ADCY5: variants seen among roughly 807,000 people sequenced by gnomAD.
ADCY5 encodes adenylate cyclase type 5.
ADCY5 carries 30 observed loss-of-function variants against 119.7 expected under a neutral mutation model. That is an observed-to-expected ratio of 0.25 (90% CI 0.19 to 0.34). The LOEUF is 0.34. Ranked by LOEUF, ADCY5 falls within the 10% of genes least tolerant of loss-of-function variation. The pLI is 1.00. For synonymous variants in ADCY5, 753 were observed against 762.2 expected, an observed-to-expected ratio of 0.99 and a Z score of 0.20; for missense variants, 1,324 against 1,775.2, an observed-to-expected ratio of 0.75 and a Z score of 4.57.
At chr3:123,348,043 G>GTGTGTGTGTGTGTGTGTGTGTA in intron 2 of ADCY5, 140 bp from the exon 3 acceptor site, 1 of 681,712 alleles carries the variant, frequency 1.5e-6, no homozygotes. Context: ...AACAGTGTGT[G>GTGTGTGTGTGTGTGTGTGTGTA]TGTGTGTGTG....
Position 123,358,155 on chromosome 3 carries a change from C to T in ADCY5, c.1135-5574G>A, listed in dbSNP as rs917549307. ...GGGACACATCTAACCACATGGAACA[C>T]GTGTGTGTGTGTGTGTGTGTGTGTG... On this transcript the variant is annotated intron_variant, in intron 1 of 20. Transcript: ENST00000462833. Among the ~76,000 whole-genome samples the T allele has an allele frequency of 7.0e-4, 98 of 140,968 alleles. 2 individuals carry two copies. The East Asian group carries it at 0.017, about 24-fold the overall frequency. 92.5% of individuals were successfully genotyped at this position (140,968 alleles called of 152,430 possible). A position where few individuals can be genotyped will look rare whatever the true frequency, so the allele number is the denominator to read the frequency against.
intron 1 of ADCY5, among the ~76,000 whole-genome samples, chr3:123,431,251 T>G (rs995665576): frequency 6.6e-5 from 10 of 152,176 alleles, no homozygotes; most frequent in Non-Finnish European, 1.5e-4. Context: ...TAATGAACAC[T>G]GCTGAGGGTA....
chr3:123,305,191 C>A (rs1037008022), intron 12 of ADCY5, among the ~76,000 whole-genome samples: 9 of 152,160 alleles, frequency 5.9e-5, no homozygotes, highest in Admixed American at 1.3e-4. Context: ...GACCTTTGGG[C>A]ACCCCCAGCT....
intron 1 of ADCY5, among the ~76,000 whole-genome samples, chr3:123,442,714 A>G (rs1945743662): frequency 6.6e-6 from 1 of 152,182 alleles, no homozygotes; most frequent in African/African-American, 2.4e-5. Context: ...AGTCTCTGCC[A>G]TTCCTGAAGT....
rs753232790 is a variant in ADCY5, at chr3:123,284,562, C to T, written c.*46G>A. On this transcript the variant is annotated 3_prime_UTR_variant, in exon 21 of 21. Transcript: ENST00000462833. ...CCCCGGCACACAGAGAAGCTGCTTC[C>T]ATGCCTCTGGAGGCCAGGCTGCCTG... 6.2e-7 allele frequency: 1 copy of T among 1,610,696 alleles called. No homozygotes were observed. Among genetic ancestry groups the T allele is most frequent in the Admixed American group, 1.7e-5 (1 of 59,984 alleles).
In ADCY5 at chr3:123,447,772, G is replaced by A. The variant is rs1945852933; in HGVS notation, c.774C>T (p.Ala258=). The change falls in exon 1 of 21, where the codon GCC becomes GCT. Residue 258 remains alanine, a synonymous_variant. Transcript: ENST00000462833. ...GGAGCGGGGGCCGCGCCGCGTGGAA[G>A]GCCAACATGACCAGGCACACGAGCA... ...VLVLVCLVML[A]FHAARPPLQL... is the part of the protein sequence containing the mutation. 3.7e-6 allele frequency: 6 copies of A among 1,609,490 alleles called. No individual in the cohort carries two copies. Among genetic ancestry groups the A allele is most frequent in the Middle Eastern group, 1.7e-4 (1 of 6,056 alleles).
intron 1 of ADCY5, among the ~76,000 whole-genome samples, chr3:123,434,525 C>A (rs929746764): frequency 1.3e-5 from 2 of 152,186 alleles, no homozygotes; most frequent in African/African-American, 4.8e-5. Context: ...CACATCACCT[C>A]GTCAGAGTTG....
At chr3:123,393,461 C>A (rs569942570) in intron 1 of ADCY5, among the ~76,000 whole-genome samples, 2 of 152,022 alleles carry the variant, frequency 1.3e-5, no homozygotes, top group Admixed American at 1.3e-4. Flanking sequence ...GGAGGCTGAA[C>A]CAACAGGATC....
At chr3:123,419,982 C>T (rs949696106) in intron 1 of ADCY5, among the ~76,000 whole-genome samples, 1 of 152,114 alleles carries the variant, frequency 6.6e-6, no homozygotes, top group Non-Finnish European at 1.5e-5. Context: ...GTGAAGCCTG[C>T]ACCATCCTCA....
intron 3 of ADCY5, among the ~76,000 whole-genome samples, chr3:123,334,705 TCCA>T (rs2108422956): frequency 6.6e-6 from 1 of 152,280 alleles, no homozygotes; most frequent in East Asian, 1.9e-4. Flanking sequence ...GCCACTGCAC[TCCA>T]GCCTGGGTGA....
intron 1 of ADCY5, among the ~76,000 whole-genome samples, chr3:123,366,144 GT>G (rs572346426): frequency 1.3e-5 from 2 of 152,066 alleles, no homozygotes; most frequent in South Asian, 4.1e-4. Context: ...CCATGGGTTA[GT>G]TTGTTTTCTT....
Position 123,448,517 on chromosome 3 carries a change from G to A in ADCY5, c.29C>T (p.Pro10Leu), listed in dbSNP as rs143905423. 8.0e-4 allele frequency: 1,014 copies of A among 1,264,858 alleles called. 8 individuals are homozygous for A. The African/African-American group carries it at 0.014, about 18-fold the overall frequency. The allele number at this position is 1,264,858 out of a possible 1,614,324, so 78.4% of individuals were successfully genotyped here. Residue 10 changes from proline (P) to leucine (L), a missense_variant, in exon 1 of 21, where the codon CCG (proline) becomes CTG (leucine). Transcript: ENST00000462833. Reference sequence around the variant, plus strand: ...CGCAGTCTTCTGCGCCGCGTAGCCCGGGGGGCTCACGCTTTTGGAGCCGGA... The same window carrying A: ...CGCAGTCTTCTGCGCCGCGTAGCCCAGGGGGCTCACGCTTTTGGAGCCGGA... MSGSKSVSPPGYAAQKTAAP... is the reference protein window; with the variant it reads MSGSKSVSPLGYAAQKTAAP...
intron 19 of ADCY5, among the ~76,000 whole-genome samples, chr3:123,288,319 GGAT>G (rs1328414760): frequency 7.2e-5 from 11 of 152,158 alleles, no homozygotes; most frequent in Admixed American, 2.6e-4. Context: ...GTACTTTTGT[GGAT>G]GATAATTGTA....
At chr3:123,344,270 A>T (rs1287528025) in intron 3 of ADCY5, among the ~76,000 whole-genome samples, 1 of 152,060 alleles carries the variant, frequency 6.6e-6, no homozygotes. Flanking sequence ...ACCCTCTCTA[A>T]ATACTACAAC....
At chr3:123,314,582 C>T (rs1302597858) in intron 11 of ADCY5, among the ~76,000 whole-genome samples, 1 of 152,196 alleles carries the variant, frequency 6.6e-6, no homozygotes, top group Non-Finnish European at 1.5e-5. Flanking sequence ...GGTATGGTTC[C>T]CTCCCCTTCC....
At chr3:123,415,932 A>G (rs945504017) in intron 1 of ADCY5, among the ~76,000 whole-genome samples, 1 of 152,258 alleles carries the variant, frequency 6.6e-6, no homozygotes, top group Non-Finnish European at 1.5e-5. Context: ...AAAAAAGAAA[A>G]AAGAGTAAGT....
chr3:123,435,803 T>A (rs1945599490), intron 1 of ADCY5, among the ~76,000 whole-genome samples: 1 of 151,004 alleles, frequency 6.6e-6, no homozygotes, highest in African/African-American at 2.4e-5. Flanking sequence ...GGTGGATTGC[T>A]TGAGCTCAGG....
chr3:123,387,911 C>T (rs1944278033), intron 1 of ADCY5, among the ~76,000 whole-genome samples: 1 of 152,158 alleles, frequency 6.6e-6, no homozygotes, highest in Non-Finnish European at 1.5e-5. Context: ...GGAAAGAGTC[C>T]ATCCCTGAAT....
intron 1 of ADCY5, among the ~76,000 whole-genome samples, chr3:123,402,955 G>A (rs1017406655): frequency 6.6e-6 from 1 of 152,028 alleles, no homozygotes; most frequent in African/African-American, 2.4e-5. Context: ...AGAGATTGGT[G>A]ATTTAAAAAG....
Sources: allele counts gnomAD v4.1 joint callset (sites outside exome capture counted in the v4.1 genomes callset), GRCh38; gene constraint gnomAD v4.1.1; transcripts MANE v1.5; gene names NCBI Gene and HGNC (gene_info 2026-07-23, HGNC 2026-07-21).